HORMAD2: variants seen among roughly 807,000 people sequenced by gnomAD.
HORMAD2 encodes the protein HORMA domain-containing protein 2.
A neutral mutation model predicts 38.8 loss-of-function variants in HORMAD2; 45 were observed. The ratio of observed to expected loss-of-function variants is 1.16; its 90% CI spans 0.91 to 1.49. The LOEUF (loss-of-function observed/expected upper bound fraction) is 1.49. HORMAD2 is among the 40% of genes most tolerant of loss of function. The pLI is 0.00. For synonymous variants in HORMAD2, 126 were observed against 122.8 expected (o/e 1.03, Z -0.17); for missense variants, 338 against 367.0 (o/e 0.92, Z 0.65).
chr22:30,173,799 G>A (rs1480408947), intron 10 of HORMAD2, among the ~76,000 whole-genome samples: 1 of 152,184 alleles, frequency 6.6e-6, no homozygotes, highest in African/African-American at 2.4e-5. Flanking sequence ...GACAGCCAAA[G>A]ACAGAACTTT....
intron 10 of HORMAD2, among the ~76,000 whole-genome samples, chr22:30,129,453 A>G (rs1328440624): frequency 1.3e-5 from 2 of 152,204 alleles, no homozygotes; most frequent in African/African-American, 4.8e-5. Flanking sequence ...AGCTTTACAT[A>G]TATTATCACT....
At chr22:30,159,400 G>A (rs1462576651) in intron 10 of HORMAD2, among the ~76,000 whole-genome samples, 2 of 152,122 alleles carry the variant, frequency 1.3e-5, no homozygotes, top group East Asian at 3.8e-4. Context: ...ATATAATCTA[G>A]CCATATTCTG....
rs1922477334 is a variant in HORMAD2 at position 30,122,007 on chromosome 22, A to G, written c.612A>G (p.Val204=). ...DYQPLGFKEG[V]NSHFLLFDKE... ...AACCCCTCGGTTTTAAAGAAGGGGT[A>G]AATTCACACTTCCTGCTGTTTGACA... The change falls in exon 10 of 11, where the codon GTA becomes GTG. Residue 204 remains valine (V), a synonymous_variant. Transcript: ENST00000336726. The G allele has an allele frequency of 1.9e-6, 3 of 1,612,552 alleles. No homozygotes were observed. Among genetic ancestry groups the G allele is most frequent in the Admixed American group, 1.7e-5 (1 of 59,722 alleles).
chr22:30,185,862 A>T, the HORMAD2 span, among the ~76,000 whole-genome samples: 3 of 126,736 alleles, frequency 2.4e-5, no homozygotes, highest in African/African-American at 9.8e-5. Flanking sequence ...CAGTAAAATT[A>T]AAAAAAAAAA....
At chr22:30,165,985 ATTC>A (rs141722406) in intron 10 of HORMAD2, among the ~76,000 whole-genome samples, 4,426 of 142,890 alleles carry the variant, frequency 0.031, 201 homozygotes, top group African/African-American at 0.11. Flanking sequence ...TTTATTCTTC[ATTC>A]TTCTTCTTTT....
rs540623098 is a variant in HORMAD2, at chr22:30,155,796, G to A, written c.820-20267G>A. Among the ~76,000 whole-genome samples, 3 of 152,274 alleles carry A rather than the reference G, an allele frequency of 2.0e-5. No individual in the cohort carries two copies. The East Asian group carries it at 5.8e-4, about 29-fold the overall frequency. On this transcript the variant is annotated intron_variant, in intron 10 of 10. Coordinates refer to ENST00000336726, the MANE Select transcript of HORMAD2 (RefSeq NM_152510.4). ...CTATATTTGTAATTTTTCTCCATCAGTGAGAGAACTGGCTGCCATTATCAT... is the reference window on the plus strand; with the variant it reads ...CTATATTTGTAATTTTTCTCCATCAATGAGAGAACTGGCTGCCATTATCAT...
intron 10 of HORMAD2, among the ~76,000 whole-genome samples, chr22:30,140,110 T>C (rs184284228): frequency 5.9e-5 from 9 of 152,070 alleles, no homozygotes. Context: ...TAAAAATGAG[T>C]TGAATTAGCC....
intron 5 of HORMAD2, among the ~76,000 whole-genome samples, chr22:30,110,480 G>A (rs1921551585): frequency 1.3e-5 from 2 of 150,868 alleles, no homozygotes; most frequent in African/African-American, 4.9e-5. Context: ...CTGCCTCCCA[G>A]GTTCAAGCAA....
At chr22:30,095,220 TAAATC>T (rs967201837) in intron 2 of HORMAD2, among the ~76,000 whole-genome samples, 13 of 152,354 alleles carry the variant, frequency 8.5e-5, no homozygotes, top group Admixed American at 4.6e-4. Context: ...AATAAACACT[TAAATC>T]AAATATTTTG....
intron 10 of HORMAD2, among the ~76,000 whole-genome samples, chr22:30,150,150 T>C (rs938234145): frequency 1.3e-5 from 2 of 152,154 alleles, no homozygotes; most frequent in African/African-American, 4.8e-5. Flanking sequence ...GTTCTTTCTT[T>C]CTGGGCCCAC....
At chr22:30,111,898 T>C (rs1921690982) in intron 6 of HORMAD2, 82 bp downstream of exon 6, 5 of 984,176 alleles carry the variant, frequency 5.1e-6, no homozygotes, top group Non-Finnish European at 7.4e-6. Context: ...AACAGTACTC[T>C]CCCTCTTCCT....
At chr22:30,207,044 T>C in the HORMAD2 span, 1 of 470,268 alleles carries the variant, frequency 2.1e-6, no homozygotes, top group South Asian at 1.6e-5. Context: ...TCGGCCTTGC[T>C]CACCCACGGA....
chr22:30,204,305 G>T, the HORMAD2 span, among the ~76,000 whole-genome samples: 4 of 152,146 alleles, frequency 2.6e-5, no homozygotes, highest in Admixed American at 2.0e-4. Flanking sequence ...GGATCAGTGT[G>T]GTCCTCACAG....
chr22:30,206,323 C>T, the HORMAD2 span, among the ~76,000 whole-genome samples: 1 of 152,174 alleles, frequency 6.6e-6, no homozygotes, highest in Non-Finnish European at 1.5e-5. Flanking sequence ...CCTGCCACCA[C>T]ACCCAGCTAA....
chr22:30,111,764 A>G (rs906836260), intron 5 of HORMAD2, 32 bp from the exon 6 acceptor site: 3 of 1,486,688 alleles, frequency 2.0e-6, no homozygotes, highest in African/African-American at 2.8e-5. Flanking sequence ...CAAGTATGTA[A>G]TAATAATAGT....
At chr22:30,138,578 C>T (rs1442587766) in intron 10 of HORMAD2, among the ~76,000 whole-genome samples, 1 of 152,060 alleles carries the variant, frequency 6.6e-6, no homozygotes, top group African/African-American at 2.4e-5. Flanking sequence ...TAAATATTGT[C>T]TTCCATTCCA....
intron 1 of HORMAD2, among the ~76,000 whole-genome samples, chr22:30,093,654 C>G (rs2068731062): frequency 6.6e-6 from 1 of 151,994 alleles, no homozygotes; most frequent in Non-Finnish European, 1.5e-5. Flanking sequence ...ACAATAGGTA[C>G]TTTTTTCAAC....
chr22:30,135,706 A>G (rs543442283), intron 10 of HORMAD2, among the ~76,000 whole-genome samples: 42 of 152,306 alleles, frequency 2.8e-4, no homozygotes, highest in African/African-American at 9.4e-4. Context: ...AGAACATTCA[A>G]TAGAGACTCC....
intron 2 of HORMAD2, among the ~76,000 whole-genome samples, chr22:30,097,817 AGG>A (rs2068810275): frequency 1.1e-4 from 16 of 152,234 alleles, no homozygotes; most frequent in Non-Finnish European, 1.5e-4. Flanking sequence ...TATGGAAGAC[AGG>A]TTGAATGAAA....
Sources: gnomAD v4.1 joint callset for allele counts (sites outside exome capture counted in the v4.1 genomes callset) on GRCh38, gnomAD v4.1.1 for gene constraint, MANE v1.5 for transcripts, NCBI Gene and HGNC (gene_info 2026-07-23, HGNC 2026-07-21) for gene names.